Variants in ADCY3 observed in about 807,000 individuals in gnomAD.
ADCY3 encodes adenylate cyclase 3.
Under a neutral mutation model 119.4 loss-of-function variants are expected in ADCY3, and 70 were observed. That is an observed-to-expected ratio of 0.59 (90% confidence interval 0.48 to 0.72). ADCY3 has a LOEUF of 0.72. ADCY3 is among the 30% of genes least tolerant of loss of function. ADCY3 has a pLI of 0.00. For missense variants in ADCY3, 1,238 were observed against 1,541.6 expected (o/e 0.80, Z 3.30); for synonymous variants, 672 against 621.4 (o/e 1.08, Z -1.21).
intron 2 of ADCY3, among the ~76,000 whole-genome samples, chr2:24,900,230 C>T (rs1198363914): frequency 6.7e-6 from 1 of 148,936 alleles, no homozygotes. Flanking sequence ...CCTGTCTCAG[C>T]CTCCTGAGTA....
At position 24,838,469 on chromosome 2, in the gene ADCY3, G is replaced by T; in HGVS notation, c.1509C>A (p.Ala503=). 1 of 1,613,504 alleles carries T rather than the reference G, an allele frequency of 6.2e-7. No individual in the cohort carries two copies. The highest frequency in any genetic ancestry group is 8.5e-7 in the Non-Finnish European group (1 of 1,180,012). Residue 503 remains alanine (A), a synonymous_variant, in exon 8 of 22, where the codon GCC becomes GCA. Coordinates refer to ENST00000679454, the MANE Select transcript of ADCY3 (RefSeq NM_004036.5). The stretch of plus-strand genomic sequence containing the variant: ...CCGAGCCATTGAGGCCATTCTGGGT[G>T]GCTGTTTTCTTCACCTCTGGCTTGG... ...IASKPEVKKT[A]TQNGLNGSAL...
intron 21 of ADCY3, 26 bp downstream of exon 21, chr2:24,820,698 C>T (rs1186195635): frequency 7.4e-6 from 12 of 1,613,300 alleles, no homozygotes; most frequent in African/African-American, 2.7e-5. Flanking sequence ...AGTCTGAGCA[C>T]GTGCCAGCTG....
intron 13 of ADCY3, among the ~76,000 whole-genome samples, chr2:24,828,562 A>T (rs970708719): frequency 1.3e-5 from 2 of 152,186 alleles, no homozygotes; most frequent in Non-Finnish European, 2.9e-5. Context: ...AGCCCCACTC[A>T]CAGCCTCCCC....
chr2:24,877,560 C>G (rs1434157476), intron 2 of ADCY3, among the ~76,000 whole-genome samples: 1 of 152,118 alleles, frequency 6.6e-6, no homozygotes, highest in Non-Finnish European at 1.5e-5. Flanking sequence ...GAGGTGTGAA[C>G]AGTTGGGGAG....
Position 24,841,067 on chromosome 2 carries a change from G to C in ADCY3, c.1196+192C>G, listed in dbSNP as rs1363262073. On this transcript the variant is annotated intron_variant, in intron 6 of 21. Coordinates refer to ENST00000679454, the MANE Select transcript of ADCY3 (RefSeq NM_004036.5). This position sits in a 1 kb window ranked among gnomAD's most constrained non-coding sequence, Gnocchi z 5.8. ...GCCTCGCAGGTCCCCTGGGCTGTGA[G>C]GAAGGTAAGCCACATCCCAGCTTCT... Among the ~76,000 whole-genome samples the C allele has an allele frequency of 6.6e-6, 1 of 152,264 alleles. No homozygotes were observed. Among genetic ancestry groups the C allele is most frequent in the East Asian group, 1.9e-4 (1 of 5,198 alleles).
chr2:24,862,926 A>G (rs1572921656), intron 3 of ADCY3, among the ~76,000 whole-genome samples: 2 of 150,562 alleles, frequency 1.3e-5, no homozygotes, highest in African/African-American at 2.4e-5. Flanking sequence ...CTGTGCAATA[A>G]CTACTTAACA....
At chr2:24,907,001 C>T (rs1275523822) in intron 2 of ADCY3, among the ~76,000 whole-genome samples, 2 of 152,046 alleles carry the variant, frequency 1.3e-5, no homozygotes, top group Non-Finnish European at 2.9e-5. Context: ...CGTGGTGGCA[C>T]GCACCTGTAA....
At chr2:24,838,971 C>G (rs1294158831) in intron 7 of ADCY3, 21 of 1,220,882 alleles carry the variant, frequency 1.7e-5, no homozygotes, top group Non-Finnish European at 2.3e-5. Context: ...GAGACAGAGT[C>G]TTGTTCTGTC....
chr2:24,850,411 G>A (rs1299786941), intron 3 of ADCY3, among the ~76,000 whole-genome samples: 1 of 152,322 alleles, frequency 6.6e-6, no homozygotes, highest in Non-Finnish European at 1.5e-5. Flanking sequence ...GGGAAGGAAG[G>A]AGGCTGGGAT....
chr2:24,858,786 C>T (rs1673303316), intron 3 of ADCY3, among the ~76,000 whole-genome samples: 1 of 152,244 alleles, frequency 6.6e-6, no homozygotes, highest in African/African-American at 2.4e-5. Flanking sequence ...AGAGGCCACA[C>T]AGCCCATGCA....
rs1670095025 is a variant in ADCY3, at chr2:24,834,912, G to A, written c.1687C>T (p.Pro563Ser). ...AQADNPSFPN[P>S]RRRLRLQDLA... ...TCCTGCAGGCGCAGCCTCCGGCGTG[G>A]GTTGGGGAATGAGGGGTTGTCGGCC... Residue 563 changes from proline (P) to serine (S), a missense_variant, in exon 10 of 22, where the codon CCA becomes TCA. Coordinates refer to ENST00000679454, the MANE Select transcript of ADCY3 (RefSeq NM_004036.5). The surrounding 1 kb of genome is among the most constrained non-coding windows in gnomAD (Gnocchi z 4.2). The A allele has an allele frequency of 5.6e-6, 9 of 1,613,792 alleles. No homozygotes were observed. Among genetic ancestry groups the A allele is most frequent in the Non-Finnish European group, 7.6e-6 (9 of 1,179,970 alleles).
Position 24,842,743 on chromosome 2 carries a change from C to A in ADCY3, c.826-359G>T, listed in dbSNP as rs1671176391. 1.3e-5 allele frequency among the ~76,000 whole-genome samples: 2 copies of A among 152,224 alleles called. No individual in the cohort carries two copies. Among genetic ancestry groups the A allele is most frequent in the African/African-American group, 2.4e-5 (1 of 41,464 alleles). On this transcript the variant is annotated intron_variant, in intron 3 of 21. Coordinates refer to ENST00000679454, the MANE Select transcript of ADCY3 (RefSeq NM_004036.5). This position sits in a 1 kb window ranked among gnomAD's most constrained non-coding sequence, Gnocchi z 4.9. ...TCCCGGCAGGAGCCCTGCGGGGTCA[C>A]CTCAGCCACCCGCCACGGCTGCACA...
chr2:24,830,938 G>A lies in ADCY3; in HGVS notation c.2056-113C>T, dbSNP rs377043716. On this transcript the variant is annotated intron_variant, in intron 12 of 21. Coordinates refer to ENST00000679454, the MANE Select transcript of ADCY3 (RefSeq NM_004036.5). Reference sequence around the variant, plus strand: ...ATTCCAGTCCCAGGAGCCTCAAAACGGACTCTGCCTGGGAGTCACCTGACA... The same window carrying A: ...ATTCCAGTCCCAGGAGCCTCAAAACAGACTCTGCCTGGGAGTCACCTGACA... 57 of 821,012 alleles carry A rather than the reference G, an allele frequency of 6.9e-5. 2 individuals are homozygous for A. Among genetic ancestry groups the A allele is most frequent in the African/African-American group, 5.1e-4 (30 of 58,708 alleles). The allele number at this position is 821,012 out of a possible 1,614,324, so 50.9% of individuals were successfully genotyped here.
Position 24,834,654 on chromosome 2 carries a change from G to C in ADCY3, c.1806-8C>G. ...GTGTTTCTCTTCTTTACTCTGCAGT[G>C]GGAACAAGCCCCATGAATCCCAAAT... On this transcript the variant is annotated splice_polypyrimidine_tract_variant and splice_region_variant and intron_variant, in intron 10 of 21. Transcript: ENST00000679454. The surrounding 1 kb of genome is among the most constrained non-coding windows in gnomAD (Gnocchi z 4.2). 1 of 1,613,480 alleles carries C rather than the reference G, an allele frequency of 6.2e-7. No individual in the cohort carries two copies. The highest frequency in any genetic ancestry group is 8.5e-7 in the Non-Finnish European group (1 of 1,179,522).
intron 2 of ADCY3, among the ~76,000 whole-genome samples, chr2:24,881,253 T>TCCAAG (rs111333893): frequency 6.6e-6 from 1 of 151,504 alleles, no homozygotes. Context: ...GCCAAAGCCA[T>TCCAAG]CCCAGCCCAG....
At chr2:24,876,449 A>C (rs1675724076) in intron 2 of ADCY3, among the ~76,000 whole-genome samples, 1 of 152,194 alleles carries the variant, frequency 6.6e-6, no homozygotes, top group Non-Finnish European at 1.5e-5. Context: ...GCTTCCATAC[A>C]CAGTGGTGGC....
intron 2 of ADCY3, among the ~76,000 whole-genome samples, chr2:24,885,486 G>C (rs1676923865): frequency 6.6e-6 from 1 of 152,148 alleles, no homozygotes; most frequent in South Asian, 2.1e-4. Context: ...CAGTAACATT[G>C]GCTGAACGCC....
In ADCY3 at chr2:24,919,133, G is replaced by C. The variant is rs963515785; in HGVS notation, c.-146C>G. ...TGGGGCGGAGGGGAGGCCACCTCCA[G>C]CAGGAACGCAGAGCGGGTTTCCAGA... is the stretch of plus-strand genomic sequence containing the variant. On this transcript the variant is annotated 5_prime_UTR_variant, in exon 2 of 22. Transcript: ENST00000679454. The surrounding 1 kb of genome is among the most constrained non-coding windows in gnomAD (Gnocchi z 5.5). The C allele has an allele frequency of 3.9e-6, 3 of 770,560 alleles. No individual in the cohort carries two copies. The highest frequency in any genetic ancestry group is 2.7e-5 in the East Asian group (1 of 37,096). 47.7% of individuals were successfully genotyped at this position (770,560 alleles called of 1,614,324 possible).
chr2:24,915,291 A>G (rs937073726), intron 2 of ADCY3, among the ~76,000 whole-genome samples: 3 of 152,216 alleles, frequency 2.0e-5, no homozygotes, highest in African/African-American at 4.8e-5. Flanking sequence ...GGGCAAGCAC[A>G]TGGGTAGGAG....
Sources: gnomAD v4.1 joint callset for allele counts (sites outside exome capture counted in the v4.1 genomes callset) on GRCh38, gnomAD v4.1.1 for gene constraint, Gnocchi (gnomAD v3.1) non-coding constraint, MANE v1.5 for transcripts, NCBI Gene and HGNC (gene_info 2026-07-23, HGNC 2026-07-21) for gene names.